STK32C: variants seen among roughly 807,000 people sequenced by gnomAD.
STK32C encodes the protein serine/threonine kinase 32C.
A neutral mutation model predicts 56.5 loss-of-function variants in STK32C; 31 were observed. The observed-to-expected ratio is 0.55, with a 90% CI of 0.41 to 0.74. STK32C has a LOEUF of 0.74. Among genes scored for constraint, STK32C ranks in the 30% least tolerant of loss-of-function variants. STK32C has a pLI of 0.00. For synonymous variants in STK32C, 309 were observed against 289.4 expected (o/e 1.07, Z -0.69); for missense variants, 544 against 676.9 (o/e 0.80, Z 2.18).
chr10:132,241,300 G>A (rs2063492256), intron 2 of STK32C, among the ~76,000 whole-genome samples: 1 of 152,236 alleles, frequency 6.6e-6, no homozygotes, highest in Admixed American at 6.5e-5. Context: ...CTGCGGGAAG[G>A]CAGGGCTCAG....
At chr10:132,280,436 G>GTGATCACGCCACTGCACCCCA (rs1410759316) in intron 1 of STK32C, among the ~76,000 whole-genome samples, 6 of 130,816 alleles carry the variant, frequency 4.6e-5, no homozygotes, top group East Asian at 4.8e-4. Flanking sequence ...ACTGCACTCC[G>GTGATCACGCCACTGCACCCCA]TGATCACGCC....
At chr10:132,244,518 C>A (rs971626406) in intron 2 of STK32C, among the ~76,000 whole-genome samples, 10 of 152,184 alleles carry the variant, frequency 6.6e-5, no homozygotes, top group African/African-American at 2.4e-4. Flanking sequence ...GGAAACAGCA[C>A]CTGCACCCGC....
At chr10:132,236,393 C>T (rs969880347) in intron 2 of STK32C, among the ~76,000 whole-genome samples, 14 of 152,338 alleles carry the variant, frequency 9.2e-5, no homozygotes, top group African/African-American at 3.1e-4. Context: ...CAGGGGCTCC[C>T]GGTCCAGATG....
chr10:132,247,361 C>T (rs1192779259), intron 1 of STK32C, among the ~76,000 whole-genome samples: 4 of 152,222 alleles, frequency 2.6e-5, no homozygotes, highest in African/African-American at 9.7e-5. Context: ...TCAGCATAGA[C>T]GCAGCAGGCA....
At chr10:132,282,366 C>T (rs576400322) in intron 1 of STK32C, among the ~76,000 whole-genome samples, 125 of 152,352 alleles carry the variant, frequency 8.2e-4, no homozygotes, top group Non-Finnish European at 1.6e-3. Context: ...TGGGTGGTTT[C>T]CTGCAGTTTT....
At chr10:132,243,931 C>T (rs1004086964) in intron 2 of STK32C, among the ~76,000 whole-genome samples, 2 of 152,200 alleles carry the variant, frequency 1.3e-5, no homozygotes, top group African/African-American at 4.8e-5. Context: ...TGAGCCTGGG[C>T]CCACCACCAC....
At chr10:132,237,723 C>T (rs1414735993) in intron 2 of STK32C, among the ~76,000 whole-genome samples, 2 of 152,190 alleles carry the variant, frequency 1.3e-5, no homozygotes, top group Admixed American at 6.5e-5. Context: ...CAAGTGTGTG[C>T]CGGCGGGGCT....
At chr10:132,272,584 G>T (rs1173569426) in intron 1 of STK32C, among the ~76,000 whole-genome samples, 1 of 152,116 alleles carries the variant, frequency 6.6e-6, no homozygotes, top group Non-Finnish European at 1.5e-5. Flanking sequence ...GGGAAATCCT[G>T]CAGGCTCTTC....
chr10:132,253,681 CGGAGCTGAG>C (rs891329517), intron 1 of STK32C, among the ~76,000 whole-genome samples: 7 of 149,424 alleles, frequency 4.7e-5, no homozygotes, highest in African/African-American at 1.5e-4. Context: ...AGGGAGCCTG[CGGAGCTGAG>C]GGAGCTGAGG....
chr10:132,300,302 T>G (rs191683003), intron 1 of STK32C, among the ~76,000 whole-genome samples: 1 of 152,262 alleles, frequency 6.6e-6, no homozygotes, highest in East Asian at 1.9e-4. Context: ...CTTCAGAACT[T>G]AAATAACATC....
intron 2 of STK32C, among the ~76,000 whole-genome samples, chr10:132,230,706 C>G (rs1200816627): frequency 6.7e-6 from 1 of 149,248 alleles, no homozygotes; most frequent in Non-Finnish European, 1.5e-5. Context: ...CAGAGCCCAC[C>G]TCTGCCTGGA....
downstream of STK32C, among the ~76,000 whole-genome samples, chr10:132,322,470 C>T (rs1331838321): frequency 1.3e-5 from 2 of 152,116 alleles, no homozygotes; most frequent in Non-Finnish European, 2.9e-5. Context: ...GTTTTTATAT[C>T]TTGTTTAAAA....
At chr10:132,279,523 G>A (rs2065089151) in intron 1 of STK32C, among the ~76,000 whole-genome samples, 1 of 152,038 alleles carries the variant, frequency 6.6e-6, no homozygotes, top group Admixed American at 6.6e-5. Context: ...ACTTTGGGGG[G>A]CTGTGGCAGG....
Position 132,224,452 on chromosome 10 carries a change from C to A in STK32C, c.948G>T (p.Gln316His). The change falls in exon 8 of 12, where the codon CAG becomes CAT. Residue 316 changes from glutamine (Q) to histidine (H), a missense_variant. Physicochemically the swap from Gln to His is conservative, Grantham distance 24. Transcript: ENST00000298630. ...TCTCCTTGGACCACGTGGGGACATA[C>A]TGGACGCTCACGGTGCTGAACAGCT... ...LVQLFSTVSV[Q>H]YVPTWSKEMV... 2.6e-6 allele frequency: 4 copies of A among 1,564,822 alleles called. No individual in the cohort carries two copies. Among genetic ancestry groups the A allele is most frequent in the Non-Finnish European group, 3.5e-6 (4 of 1,154,574 alleles).
intron 2 of STK32C, among the ~76,000 whole-genome samples, chr10:132,237,621 C>T (rs1427792448): frequency 2.6e-5 from 4 of 152,214 alleles, no homozygotes; most frequent in Admixed American, 2.0e-4. Context: ...AAGCAGAGGG[C>T]GAGGCACAGA....
At chr10:132,303,819 C>T (rs987694453) in intron 1 of STK32C, among the ~76,000 whole-genome samples, 8 of 152,230 alleles carry the variant, frequency 5.3e-5, no homozygotes, top group African/African-American at 1.7e-4. Context: ...CAAACCCTCC[C>T]GCTCCTGGAG....
At chr10:132,219,275 T>C (rs1043589855) in intron 10 of STK32C, among the ~76,000 whole-genome samples, 1 of 151,958 alleles carries the variant, frequency 6.6e-6, no homozygotes, top group Non-Finnish European at 1.5e-5. Context: ...CAGTGGGACT[T>C]TTTTTTTGGA....
intron 1 of STK32C, among the ~76,000 whole-genome samples, chr10:132,315,931 A>G (rs139915501): frequency 8.5e-5 from 13 of 152,386 alleles, no homozygotes; most frequent in African/African-American, 3.1e-4. Context: ...TTGGAAATTA[A>G]ACAATAATCC....
chr10:132,328,741 T>C (rs2066558897), intron 1 of STK32C, among the ~76,000 whole-genome samples: 1 of 152,252 alleles, frequency 6.6e-6, no homozygotes, highest in Non-Finnish European at 1.5e-5. Context: ...GTTATAATTT[T>C]GCAAAGGCGG....
Sources: gnomAD v4.1 joint callset for allele counts (sites outside exome capture counted in the v4.1 genomes callset) on GRCh38, gnomAD v4.1.1 for gene constraint, MANE v1.5 for transcripts, NCBI Gene and HGNC (gene_info 2026-07-23, HGNC 2026-07-21) for gene names.